EIF3J: variants seen among roughly 807,000 people sequenced by gnomAD.
The protein encoded by EIF3J is eukaryotic translation initiation factor 3 subunit J.
Under a neutral mutation model 39.0 loss-of-function variants are expected in EIF3J, and 15 were observed. The observed-to-expected ratio is 0.38, with a 90% CI of 0.26 to 0.59. EIF3J has a LOEUF of 0.59. Among genes scored for constraint, EIF3J ranks in the 20% least tolerant of loss-of-function variants. The probability of loss-of-function intolerance (pLI) is 0.60; values close to 1 mark genes in which losing one functional copy is unlikely to be tolerated. For synonymous variants in EIF3J, 98 were observed against 112.9 expected (o/e 0.87, Z 0.84); for missense variants, 226 against 308.6 (o/e 0.73, Z 2.00).
intron 2 of EIF3J, among the ~76,000 whole-genome samples, chr15:44,548,806 C>G (rs1250966930): frequency 6.6e-6 from 1 of 152,018 alleles, no homozygotes. Flanking sequence ...GGCTTTGCCT[C>G]TAATCATTTC....
At chr15:44,541,661 C>CTCCT (rs1277646067) in intron 2 of EIF3J, among the ~76,000 whole-genome samples, 1 of 152,210 alleles carries the variant, frequency 6.6e-6, no homozygotes, top group African/African-American at 2.4e-5. Context: ...TTCTAAAGAA[C>CTCCT]AGGATCTGTA....
intron 2 of EIF3J, among the ~76,000 whole-genome samples, chr15:44,545,992 G>GT (rs1212555151): frequency 6.6e-6 from 1 of 152,158 alleles, no homozygotes; most frequent in African/African-American, 2.4e-5. Flanking sequence ...TCTCAGAAGG[G>GT]TTTTAAATAT....
Position 44,557,590 on chromosome 15 carries a change from G to T in EIF3J, c.511G>T (p.Glu171Ter). ...ACTAAAAGATAAAATTACACAATAT[G>T]AAAAGTCACTATATTATGCCAGTTT... Reference protein sequence around the residue: ...KLLKDKITQYEKSLYYASFLE... With the variant: ...KLLKDKITQY The change falls in exon 6 of 8, where the codon GAA becomes TAA. Residue 171 changes from glutamate to a stop codon, truncating the protein, a stop_gained. Coordinates refer to ENST00000261868, the MANE Select transcript of EIF3J (RefSeq NM_003758.4). LOFTEE classifies it high-confidence loss of function. 6.5e-7 allele frequency: 1 copy of T among 1,544,572 alleles called. No homozygotes were observed. The highest frequency in any genetic ancestry group is 1.3e-5 in the South Asian group (1 of 76,144).
At chr15:44,554,779 T>C in intron 5 of EIF3J, 112 bp downstream of exon 5, 1 of 557,988 alleles carries the variant, frequency 1.8e-6, no homozygotes, top group Non-Finnish European at 3.0e-6. Context: ...AATGTAGATA[T>C]TAGAAAGCAG....
chr15:44,543,652 T>A (rs1418302294), intron 2 of EIF3J, among the ~76,000 whole-genome samples: 1 of 152,162 alleles, frequency 6.6e-6, no homozygotes, highest in African/African-American at 2.4e-5. Context: ...GACCTCGTGA[T>A]CTGCCTGCCT....
chr15:44,555,328 G>C (rs1327629690), intron 5 of EIF3J, among the ~76,000 whole-genome samples: 1 of 152,178 alleles, frequency 6.6e-6, no homozygotes, highest in African/African-American at 2.4e-5. Context: ...CAGAGTAGAA[G>C]ATCATGTTGA....
intron 2 of EIF3J, among the ~76,000 whole-genome samples, chr15:44,549,899 G>A (rs901288375): frequency 7.3e-5 from 11 of 151,312 alleles, no homozygotes; most frequent in African/African-American, 2.7e-4. Context: ...GGTGGAGGTT[G>A]CAGTGAGCTG....
At chr15:44,558,385 C>T (rs565268739) in intron 6 of EIF3J, among the ~76,000 whole-genome samples, 3 of 151,900 alleles carry the variant, frequency 2.0e-5, no homozygotes, top group African/African-American at 4.8e-5. Flanking sequence ...AGGCGGATCA[C>T]GAGGTCAGGA....
chr15:44,557,517 T>C lies in EIF3J; in HGVS notation c.438T>C (p.Asp146=). 1.9e-6 allele frequency: 3 copies of C among 1,543,716 alleles called. No individual in the cohort carries two copies. Among genetic ancestry groups the C allele is most frequent in the South Asian group, 1.3e-5 (1 of 75,736 alleles). ...TTAATAATGCAGTTTATGGAATAGA[T>C]GCTATGAACCCATCTTCAAGAGATG... ...FGVNNAVYGI[D]AMNPSSRDDF... The change falls in exon 6 of 8, where the codon GAT becomes GAC. Residue 146 remains aspartate (D), a synonymous_variant. Transcript: ENST00000261868.
intron 4 of EIF3J, among the ~76,000 whole-genome samples, chr15:44,552,939 G>T (rs767757654): frequency 9.2e-5 from 14 of 151,492 alleles, no homozygotes; most frequent in Non-Finnish European, 1.6e-4. Flanking sequence ...TAATTGCAAC[G>T]CTTTGGGAGG....
rs1230342353 is a variant in EIF3J at position 44,561,880 on chromosome 15, G to A, written c.*731G>A. 1 of 152,610 alleles carries A rather than the reference G, an allele frequency of 6.6e-6. No homozygotes were observed. The highest frequency in any genetic ancestry group is 1.9e-4 in the East Asian group (1 of 5,196). 9.5% of individuals were successfully genotyped at this position (152,610 alleles called of 1,614,324 possible). A position where few individuals can be genotyped will look rare whatever the true frequency, so the allele number is the denominator to read the frequency against. ...ACTTATTTTTATTTGCCTGATTTAA[G>A]TGTCTGAGAAACAAATCTTTGTTCT... is the stretch of plus-strand genomic sequence containing the variant. On this transcript the variant is annotated 3_prime_UTR_variant, in exon 8 of 8. Transcript: ENST00000261868.
At chr15:44,545,778 C>T (rs1311224018) in intron 2 of EIF3J, among the ~76,000 whole-genome samples, 1 of 152,148 alleles carries the variant, frequency 6.6e-6, no homozygotes, top group African/African-American at 2.4e-5. Context: ...TGTAATAGAA[C>T]ACCAGAACTT....
At chr15:44,545,788 T>TA (rs1237698840) in intron 2 of EIF3J, among the ~76,000 whole-genome samples, 1 of 152,228 alleles carries the variant, frequency 6.6e-6, no homozygotes, top group Non-Finnish European at 1.5e-5. Flanking sequence ...CACCAGAACT[T>TA]ATTCTTCTAA....
intron 4 of EIF3J, among the ~76,000 whole-genome samples, chr15:44,552,793 C>G (rs1446191112): frequency 6.6e-6 from 1 of 152,204 alleles, no homozygotes. Flanking sequence ...CTCCTGACCT[C>G]AGGTGATCCA....
intron 2 of EIF3J, among the ~76,000 whole-genome samples, chr15:44,540,757 G>A (rs1159108830): frequency 6.6e-6 from 1 of 152,174 alleles, no homozygotes; most frequent in Non-Finnish European, 1.5e-5. Context: ...CCAAATTTCT[G>A]AATTCTTATG....
chr15:44,553,936 C>G (rs185958614), intron 4 of EIF3J, among the ~76,000 whole-genome samples: 24 of 152,294 alleles, frequency 1.6e-4, no homozygotes, highest in Admixed American at 4.6e-4. Context: ...TCCACAGTCT[C>G]AATTCCTTTT....
intron 2 of EIF3J, among the ~76,000 whole-genome samples, chr15:44,548,000 G>A (rs1246160513): frequency 6.6e-6 from 1 of 152,106 alleles, no homozygotes; most frequent in East Asian, 1.9e-4. Flanking sequence ...TATGAAGTTA[G>A]ATAAGTTGAT....
chr15:44,547,878 G>A (rs1387797795), intron 2 of EIF3J, among the ~76,000 whole-genome samples: 1 of 152,172 alleles, frequency 6.6e-6, no homozygotes, highest in Non-Finnish European at 1.5e-5. Flanking sequence ...CATTTGGGGG[G>A]AAGTAAGAAC....
At chr15:44,544,334 G>T (rs1156463464) in intron 2 of EIF3J, among the ~76,000 whole-genome samples, 3 of 151,358 alleles carry the variant, frequency 2.0e-5, no homozygotes, top group Non-Finnish European at 3.0e-5. Context: ...CTGAACTCAG[G>T]TATTCCACCC....
Sources: allele counts gnomAD v4.1 joint callset (sites outside exome capture counted in the v4.1 genomes callset), GRCh38; gene constraint gnomAD v4.1.1; transcripts MANE v1.5; gene names NCBI Gene and HGNC (gene_info 2026-07-23, HGNC 2026-07-21).